The following ITGA7 variants were observed in gnomAD, a reference collection of about 807,000 sequenced individuals.
ITGA7 encodes integrin alpha-7.
ITGA7 carries 84 observed loss-of-function variants against 131.6 expected under a neutral mutation model. The observed-to-expected ratio is 0.64, with a 90% CI of 0.54 to 0.77. ITGA7 has a LOEUF of 0.77. ITGA7 is among the 30% of genes least tolerant of loss of function. ITGA7 has a pLI of 0.00. For missense variants in ITGA7, 1,399 were observed against 1,482.9 expected (o/e 0.94, Z 0.93); for synonymous variants, 548 against 600.7 (o/e 0.91, Z 1.28).
chr12:55,703,363 T>C lies in ITGA7; in HGVS notation c.207-185A>G, dbSNP rs1874496261. ...CAAATTAATATGCTTGGTCATGCAG[T>C]CATCACGTTGCATGTACATACTATC... On this transcript the variant is annotated intron_variant, in intron 1 of 24. Coordinates refer to ENST00000257879, the MANE Select transcript of ITGA7 (RefSeq NM_002206.3). Among the ~76,000 whole-genome samples, 3 of 152,042 alleles carry C rather than the reference T, an allele frequency of 2.0e-5. No homozygotes were observed. In the South Asian group the frequency reaches 6.2e-4, roughly 32 times the overall value.
At chr12:55,696,238 C>T (rs771741295) in intron 13 of ITGA7, 45 bp downstream of exon 13, 94 of 1,540,826 alleles carry the variant, frequency 6.1e-5, no homozygotes, top group Non-Finnish European at 8.2e-5. Context: ...ATGATCTTTG[C>T]CCTCCCAGCT....
chr12:55,685,209 C>T lies in ITGA7; in HGVS notation c.3263G>A (p.Arg1088Gln), dbSNP rs754655315. The change falls in exon 25 of 25, where the codon CGA becomes CAA. Residue 1088 changes from arginine to glutamine, a missense_variant. Transcript: ENST00000257879. ...YHAVKIPRED[R>Q]QQFKEEKTGT... ...CGTCTTCTCCTCCTTGAACTGCTGT[C>T]GGTCTTCCCGAGGAATCTTCACCGC... The T allele has an allele frequency of 1.2e-4, 201 of 1,614,068 alleles. 3 individuals carry two copies. The South Asian group carries it at 2.0e-3, about 16-fold the overall frequency.
chr12:55,685,176 A>G lies in ITGA7; in HGVS notation c.3296T>C (p.Ile1099Thr), dbSNP rs1252642005. Residue 1099 changes from isoleucine (I) to threonine (T), a missense_variant, in exon 25 of 25, where the codon ATC (isoleucine) becomes ACC (threonine). Physicochemically the swap from Ile to Thr is moderately conservative, Grantham distance 89. Coordinates refer to ENST00000257879, the MANE Select transcript of ITGA7 (RefSeq NM_002206.3). Reference protein sequence around the residue: ...QQFKEEKTGTILRNNWGSPRR... With the variant: ...QQFKEEKTGTTLRNNWGSPRR... ...GGGGCTGCCCCAGTTGTTCCTCAGG[A>G]TGGTGCCCGTCTTCTCCTCCTTGAA... 6.2e-7 allele frequency: 1 copy of G among 1,613,976 alleles called. No homozygotes were observed. Among genetic ancestry groups the G allele is most frequent in the Non-Finnish European group, 8.5e-7 (1 of 1,180,004 alleles).
rs767729751 is a variant in ITGA7, at chr12:55,688,190, C to A, written c.3057+12G>T. 2.5e-6 allele frequency: 4 copies of A among 1,613,918 alleles called. No individual in the cohort carries two copies. The highest frequency in any genetic ancestry group is 1.7e-5 in the Admixed American group (1 of 60,020). ...GAGTCCTCCCCACCTATCCCCCAAC[C>A]CTGCAGCTCACCACTGTGGAGGCAT... On this transcript the variant is annotated intron_variant, in intron 23 of 24. Transcript: ENST00000257879.
At position 55,694,770 on chromosome 12, in the gene ITGA7, G is replaced by T. The variant is rs764222901; in HGVS notation, c.2196+8C>A. The T allele has an allele frequency of 1.2e-6, 2 of 1,613,958 alleles. No homozygotes were observed. Among genetic ancestry groups the T allele is most frequent in the East Asian group, 4.5e-5 (2 of 44,854 alleles). ...AGACCCCACCCCATCCTGCCCCCAG[G>T]TCCTCACCGCAGGGTCCAGGGCCCG... On this transcript the variant is annotated splice_region_variant and intron_variant, in intron 15 of 24. Coordinates refer to ENST00000257879, the MANE Select transcript of ITGA7 (RefSeq NM_002206.3). The surrounding 1 kb of genome is among the most constrained non-coding windows in gnomAD (Gnocchi z 5.3).
chr12:55,698,640 A>C (rs1873206858), intron 6 of ITGA7, 64 bp from the exon 7 acceptor site: 2 of 1,611,960 alleles, frequency 1.2e-6, no homozygotes, highest in Non-Finnish European at 1.7e-6. Context: ...CAGGAGGCTA[A>C]GTGGCCTCAG....
intron 1 of ITGA7, among the ~76,000 whole-genome samples, chr12:55,703,417 T>TACACACACAC (rs57311080): frequency 2.0e-5 from 3 of 148,896 alleles, no homozygotes; most frequent in South Asian, 2.1e-4. Flanking sequence ...ACACAGTAGA[T>TACACACACAC]ACACACACAC....
chr12:55,701,064 C>T lies in ITGA7; in HGVS notation c.505G>A (p.Asp169Asn), dbSNP rs1254098171. 1.2e-6 allele frequency: 2 copies of T among 1,614,234 alleles called. No individual in the cohort carries two copies. Among genetic ancestry groups the T allele is most frequent in the Non-Finnish European group, 1.7e-6 (2 of 1,180,034 alleles). Residue 169 changes from aspartate to asparagine, a missense_variant, in exon 4 of 25, where the codon GAC becomes AAC. Asp to Asn is a conservative substitution (Grantham distance 23). Transcript: ENST00000257879. ...TCCAACTCATCCCGGATGGCCAGGT[C>T]CTGGCTGAGCACAAAGCAGCGACCA... is the stretch of plus-strand genomic sequence containing the variant. The part of the protein sequence containing the change: ...MIGRCFVLSQ[D>N]LAIRDELDGG...
Position 55,707,824 on chromosome 12 carries a change from T to TCCCGCCCG in ITGA7, c.-150_-143dup. ...TCCCAGACGTTCGCCCCGCCAGCCC[T>TCCCGCCCG]CCCGCCCGCCCGCCGCTCCGCCACC... is the stretch of plus-strand genomic sequence containing the variant. On this transcript the variant is annotated 5_prime_UTR_variant, in exon 1 of 25. Coordinates refer to ENST00000257879, the MANE Select transcript of ITGA7 (RefSeq NM_002206.3). The TCCCGCCCG allele has an allele frequency of 1.5e-6, 1 of 654,506 alleles. No homozygotes were observed. The highest frequency in any genetic ancestry group is 2.3e-6 in the Non-Finnish European group (1 of 428,074). 40.5% of individuals were successfully genotyped at this position (654,506 alleles called of 1,614,324 possible).
chr12:55,699,850 G>A lies in ITGA7; in HGVS notation c.790+20C>T, dbSNP rs1174632597. 1.9e-6 allele frequency: 3 copies of A among 1,593,952 alleles called. No individual in the cohort carries two copies. Among genetic ancestry groups the A allele is most frequent in the Admixed American group, 1.8e-5 (1 of 55,312 alleles). On this transcript the variant is annotated intron_variant, in intron 5 of 24. Transcript: ENST00000257879. ...GGCTGGGCCATGCCCCTAGAGTCCA[G>A]GAGGTGGGAGCTTACAAACCTAAGT...
chr12:55,700,964 G>A lies in ITGA7; in HGVS notation c.605C>T (p.Ala202Val), dbSNP rs1873873897. The A allele has an allele frequency of 6.2e-7, 1 of 1,614,234 alleles. No homozygotes were observed. The highest frequency in any genetic ancestry group is 1.6e-4 in the Middle Eastern group (1 of 6,062). Residue 202 changes from alanine (A) to valine (V), a missense_variant, in exon 4 of 25, where the codon GCT (alanine) becomes GTT (valine). Physicochemically the swap from Ala to Val is moderately conservative, Grantham distance 64. Transcript: ENST00000257879. Reference protein sequence around the residue: ...EQFGFCQQGTAAAFSPDSHYL... With the variant: ...EQFGFCQQGTVAAFSPDSHYL... The stretch of plus-strand genomic sequence containing the variant: ...GTGGCTATCAGGGGAGAAGGCGGCA[G>A]CTGTGCCCTGCTGGCAGAACCCAAA...
chr12:55,712,401 C>A, upstream of ITGA7: 1 of 693,074 alleles, frequency 1.4e-6, no homozygotes, highest in South Asian at 1.6e-5. Flanking sequence ...CTTGTCTACT[C>A]ACTCTGTGTC....
At chr12:55,685,721 C>T (rs916750833) in intron 24 of ITGA7, among the ~76,000 whole-genome samples, 5 of 152,226 alleles carry the variant, frequency 3.3e-5, no homozygotes, top group African/African-American at 1.2e-4. Flanking sequence ...ACATGCACCC[C>T]GTGTACTTGT....
Position 55,703,194 on chromosome 12 carries a change from G to A in ITGA7, c.207-16C>T, listed in dbSNP as rs1874447160. 6.2e-7 allele frequency: 1 copy of A among 1,606,474 alleles called. No homozygotes were observed. Among genetic ancestry groups the A allele is most frequent in the Admixed American group, 1.7e-5 (1 of 59,998 alleles). ...CACCAGCAGCCTGCAAGATGGGGCA[G>A]GGGCAGGGACAGGGACAGGAGTTAG... On this transcript the variant is annotated splice_polypyrimidine_tract_variant and intron_variant, in intron 1 of 24. Coordinates refer to ENST00000257879, the MANE Select transcript of ITGA7 (RefSeq NM_002206.3).
rs865966473 is a variant in ITGA7, at chr12:55,696,290, C to T, written c.1880G>A (p.Arg627Gln). 3.2e-6 allele frequency: 5 copies of T among 1,572,140 alleles called. No individual in the cohort carries two copies. Among genetic ancestry groups the T allele is most frequent in the African/African-American group, 2.7e-5 (2 of 74,300 alleles). Residue 627 changes from arginine to glutamine, a missense_variant, in exon 13 of 25, where the codon CGG (arginine) becomes CAG (glutamine). Coordinates refer to ENST00000257879, the MANE Select transcript of ITGA7 (RefSeq NM_002206.3). Reference protein sequence around the residue: ...ILNAHQPSTQRAEIHFLKQGC... With the variant: ...ILNAHQPSTQQAEIHFLKQGC... ...ACCAGAACCCATGCTCACCTCTGCC[C>T]GCTGGGTGCTGGGCTGGTGGGCATT...
At chr12:55,688,166 A>T (rs1289285337) in intron 23 of ITGA7, 36 bp downstream of exon 23, 2 of 1,613,582 alleles carry the variant, frequency 1.2e-6, no homozygotes, top group East Asian at 4.5e-5. Context: ...GAAAGAAGAG[A>T]GTCCTCCCCA....
upstream of ITGA7, chr12:55,716,211 C>A (rs1216567394): frequency 6.3e-7 from 1 of 1,599,206 alleles, no homozygotes; most frequent in East Asian, 2.3e-5. Flanking sequence ...GCCAAATATC[C>A]TGTCGGCCGT....
Position 55,694,178 on chromosome 12 carries a change from A to G in ITGA7, c.2433-55T>C. The stretch of plus-strand genomic sequence containing the variant: ...GAAGGTCTGGGGCCTGGCTCAATGA[A>G]GGCAGGGCCCTGGCCAAGGTTTGGA... On this transcript the variant is annotated intron_variant, in intron 18 of 24. Transcript: ENST00000257879. The surrounding 1 kb of genome is among the most constrained non-coding windows in gnomAD (Gnocchi z 5.3). The G allele has an allele frequency of 6.2e-7, 1 of 1,611,180 alleles. No individual in the cohort carries two copies. The highest frequency in any genetic ancestry group is 1.7e-5 in the Admixed American group (1 of 60,032).
At chr12:55,703,265 C>A in intron 1 of ITGA7, 87 bp from the exon 2 acceptor site, 1 of 1,437,844 alleles carries the variant, frequency 7.0e-7, no homozygotes, top group Non-Finnish European at 9.5e-7. Flanking sequence ...GGCCCAACCC[C>A]TCAGTACTAA....
Sources: gnomAD v4.1 joint callset for allele counts (sites outside exome capture counted in the v4.1 genomes callset) on GRCh38, gnomAD v4.1.1 for gene constraint, Gnocchi (gnomAD v3.1) non-coding constraint, MANE v1.5 for transcripts, NCBI Gene and HGNC (gene_info 2026-07-23, HGNC 2026-07-21) for gene names.